TSC1: variants seen among roughly 807,000 people sequenced by gnomAD.
TSC1 encodes TSC complex subunit 1, also known as hamartin.
TSC1 carries 20 observed loss-of-function variants against 124.3 expected under a neutral mutation model. That is an observed-to-expected ratio of 0.16 (90% CI 0.11 to 0.23). The LOEUF (loss-of-function observed/expected upper bound fraction) is 0.23. TSC1 is among the 10% of genes least tolerant of loss of function. The pLI is 1.00. For missense variants in TSC1, 1,124 were observed against 1,448.5 expected (o/e 0.78, Z 3.64); for synonymous variants, 493 against 539.1 (o/e 0.91, Z 1.19).
intron 2 of TSC1, among the ~76,000 whole-genome samples, chr9:132,930,367 T>C (rs1481931740): frequency 6.6e-6 from 1 of 152,056 alleles, no homozygotes; most frequent in Non-Finnish European, 1.5e-5. Flanking sequence ...GGCAGGCAGA[T>C]CACCTAAGGT....
Position 132,921,530 on chromosome 9 carries a change from A to G in TSC1, c.664-94T>C. 7.1e-7 allele frequency: 1 copy of G among 1,414,530 alleles called. No individual in the cohort carries two copies. Among genetic ancestry groups the G allele is most frequent in the Non-Finnish European group, 1.0e-6 (1 of 1,004,144 alleles). 87.6% of individuals were successfully genotyped at this position (1,414,530 alleles called of 1,614,324 possible). A position where few individuals can be genotyped will look rare whatever the true frequency, so the allele number is the denominator to read the frequency against. On this transcript the variant is annotated intron_variant, in intron 7 of 22. Transcript: ENST00000298552. The surrounding 1 kb of genome is among the most constrained non-coding windows in gnomAD (Gnocchi z 4.3). Reference sequence around the variant, plus strand: ...AGTTGACAATTAAAAGGAATGAAGTACTGATACATGTTATAACACAGATGG... The same window carrying G: ...AGTTGACAATTAAAAGGAATGAAGTGCTGATACATGTTATAACACAGATGG...
chr9:132,902,804 A>G lies in TSC1; in HGVS notation c.2209-17T>C. On this transcript the variant is annotated splice_polypyrimidine_tract_variant and intron_variant, in intron 17 of 22. Coordinates refer to ENST00000298552, the MANE Select transcript of TSC1 (RefSeq NM_000368.5). The surrounding 1 kb of genome is among the most constrained non-coding windows in gnomAD (Gnocchi z 5.2). ...CTGATCTTTCTAGCAGAGACCAGAA[A>G]TGTCATCATTTTAGCTGTCTTCCAA... 1 of 1,612,852 alleles carries G rather than the reference A, an allele frequency of 6.2e-7. No homozygotes were observed. Among genetic ancestry groups the G allele is most frequent in the South Asian group, 1.1e-5 (1 of 91,016 alleles).
chr9:132,944,455 C>T (rs1414332287), intron 1 of TSC1, 88 bp downstream of exon 1: 1 of 397,550 alleles, frequency 2.5e-6, no homozygotes, highest in Non-Finnish European at 4.4e-6. Context: ...TGCTCCAGCC[C>T]CTCCGAGCCT....
chr9:132,915,629 A>T (rs938046421), intron 8 of TSC1, among the ~76,000 whole-genome samples: 3 of 152,240 alleles, frequency 2.0e-5, no homozygotes, highest in African/African-American at 7.2e-5. Context: ...TAGTAACTCC[A>T]TCAGAGATTT....
chr9:132,935,423 T>C (rs967403784), intron 1 of TSC1, among the ~76,000 whole-genome samples: 3 of 152,256 alleles, frequency 2.0e-5, no homozygotes, highest in Non-Finnish European at 4.4e-5. Flanking sequence ...TGCAACTTAT[T>C]AGCTGTGTAA....
rs1210974134 is a variant in TSC1, at chr9:132,932,733, C to T, written c.-81+2300G>A. ...ACACAGGAATACTGGTTCTTTCTTG[C>T]TCAAGGCCTTTGCACTTGCTGTTCC... is the stretch of plus-strand genomic sequence containing the variant. On this transcript the variant is annotated intron_variant, in intron 2 of 22. Coordinates refer to ENST00000298552, the MANE Select transcript of TSC1 (RefSeq NM_000368.5). Among the ~76,000 whole-genome samples, 4 of 152,190 alleles carry T rather than the reference C, an allele frequency of 2.6e-5. No individual in the cohort carries two copies. The East Asian group carries it at 5.8e-4, about 22-fold the overall frequency.
rs993009691 is a variant in TSC1, at chr9:132,894,179, G to A, written c.*2056C>T. 1.5e-4 allele frequency: 34 copies of A among 233,272 alleles called. No individual in the cohort carries two copies. The highest frequency in any genetic ancestry group is 2.5e-5 in the Non-Finnish European group (3 of 117,930). The allele number at this position is 233,272 out of a possible 1,614,324, so 14.5% of individuals were successfully genotyped here. A position where few individuals can be genotyped will look rare whatever the true frequency, so the allele number is the denominator to read the frequency against. ...TCTAGCACAGGCCTCTCTCCATGCTGCCTCCTTTCTTCCCTTTATTTTTAT... is the reference window on the plus strand; with the variant it reads ...TCTAGCACAGGCCTCTCTCCATGCTACCTCCTTTCTTCCCTTTATTTTTAT... On this transcript the variant is annotated 3_prime_UTR_variant, in exon 23 of 23. Coordinates refer to ENST00000298552, the MANE Select transcript of TSC1 (RefSeq NM_000368.5).
In TSC1 at chr9:132,905,586, C is replaced by G. The variant is rs775799075; in HGVS notation, c.1992G>C (p.Leu664=). 6.2e-7 allele frequency: 1 copy of G among 1,614,032 alleles called. No individual in the cohort carries two copies. Among genetic ancestry groups the G allele is most frequent in the Non-Finnish European group, 8.5e-7 (1 of 1,180,038 alleles). Residue 664 remains leucine (L), a synonymous_variant, in exon 15 of 23, where the codon CTG becomes CTC. Transcript: ENST00000298552. ...AGAGTGCCCCAGTCCCTTACTTGTT[C>G]AGCTCCTTGCTGTGCGCGTCTGCTC... is the stretch of plus-strand genomic sequence containing the variant. The part of the protein sequence containing the change: ...QQGADAHSKE[L]NKLPLPSKSV...
rs917117694 is a variant in TSC1, at chr9:132,894,263, T to G, written c.*1972A>C. 5.6e-5 allele frequency: 13 copies of G among 231,512 alleles called. No homozygotes were observed. The highest frequency in any genetic ancestry group is 9.4e-5 in the Non-Finnish European group (11 of 116,934). The allele number at this position is 231,512 out of a possible 1,614,324, so 14.3% of individuals were successfully genotyped here. A position where few individuals can be genotyped will look rare whatever the true frequency, so the allele number is the denominator to read the frequency against. On this transcript the variant is annotated 3_prime_UTR_variant, in exon 23 of 23. Transcript: ENST00000298552. The stretch of plus-strand genomic sequence containing the variant: ...CACTTGGGCCTCTTTTCCTTTCCAA[T>G]TCAGGAAAAGGCTTTAAGTGCCTGG...
chr9:132,908,042 G>A (rs979758138), intron 12 of TSC1, among the ~76,000 whole-genome samples: 4 of 152,174 alleles, frequency 2.6e-5, no homozygotes, highest in African/African-American at 2.4e-5. Flanking sequence ...AGCTGCAATT[G>A]TGCCACTGCA....
Position 132,921,466 on chromosome 9 carries a change from G to C in TSC1, c.664-30C>G, listed in dbSNP as rs747627776. On this transcript the variant is annotated intron_variant, in intron 7 of 22. Transcript: ENST00000298552. The surrounding 1 kb of genome is among the most constrained non-coding windows in gnomAD (Gnocchi z 4.3). Reference sequence around the variant, plus strand: ...AAGAGTTGGGTTGACAAATTATAAAGGGCTGAATGTTTGTGGAACATCCAA... The same window carrying C: ...AAGAGTTGGGTTGACAAATTATAAACGGCTGAATGTTTGTGGAACATCCAA... The C allele has an allele frequency of 1.1e-5, 17 of 1,611,522 alleles. No homozygotes were observed. The South Asian group carries it at 1.8e-4, about 17-fold the overall frequency.
At chr9:132,931,909 CAT>C (rs1289134476) in intron 2 of TSC1, among the ~76,000 whole-genome samples, 6 of 152,144 alleles carry the variant, frequency 3.9e-5, no homozygotes, top group African/African-American at 1.2e-4. Context: ...GAAATATACA[CAT>C]GTTAAACACA....
rs375275925 is a variant in TSC1, at chr9:132,898,453, C to G, written c.2626-843G>C. Among the ~76,000 whole-genome samples, 67 of 152,290 alleles carry G rather than the reference C, an allele frequency of 4.4e-4. No individual in the cohort carries two copies. The East Asian group carries it at 6.4e-3, about 14-fold the overall frequency. On this transcript the variant is annotated intron_variant, in intron 20 of 22. Coordinates refer to ENST00000298552, the MANE Select transcript of TSC1 (RefSeq NM_000368.5). ...TTTAAAAAAGATAATAAACCATAAA[C>G]AGCAAGGAGATGAGCTTTCACGAAG...
At chr9:132,943,897 G>T (rs1306202084) in intron 1 of TSC1, 1 of 152,160 alleles carries the variant, frequency 6.6e-6, no homozygotes, top group Non-Finnish European at 1.5e-5. Context: ...TCAAATGAAT[G>T]AATGAACGCC....
At position 132,905,854 on chromosome 9, in the gene TSC1, G is replaced by C. The variant is rs118203566; in HGVS notation, c.1724C>G (p.Ser575Cys). ...GGGAGTGAAGATACTGGTCTCCAAAGAAGTCTGGCATTCCCTGTCTCCCGC... is the reference window on the plus strand; with the variant it reads ...GGGAGTGAAGATACTGGTCTCCAAACAAGTCTGGCATTCCCTGTCTCCCGC... Reference protein sequence around the residue: ...SPAGDRECQTSLETSIFTPSP... With the variant: ...SPAGDRECQTCLETSIFTPSP... The change falls in exon 15 of 23, where the codon TCT (serine) becomes TGT (cysteine). Residue 575 changes from serine to cysteine, a missense_variant. By Grantham distance (112) the Ser-to-Cys change is moderately radical. Around this residue, in one of 5 missense-constraint regions of TSC1, gnomAD observed 321 missense variants for 397.4 expected, o/e 0.81. Coordinates refer to ENST00000298552, the MANE Select transcript of TSC1 (RefSeq NM_000368.5). 1 of 1,613,264 alleles carries C rather than the reference G, an allele frequency of 6.2e-7. No individual in the cohort carries two copies. Among genetic ancestry groups the C allele is most frequent in the Non-Finnish European group, 8.5e-7 (1 of 1,179,248 alleles).
chr9:132,911,624 TTA>T (rs1491452063), intron 9 of TSC1, 56 bp from the exon 10 acceptor site: 2 of 301,830 alleles, frequency 6.6e-6, no homozygotes, highest in Admixed American at 7.6e-5. Flanking sequence ...GTTATTCTGG[TTA>T]AAAAAAAAAA....
rs1554813639 is a variant in TSC1, at chr9:132,897,612, T to TG, written c.2626-3dup. 5 of 914,572 alleles carry TG rather than the reference T, an allele frequency of 5.5e-6. No individual in the cohort carries two copies. The South Asian group carries it at 9.4e-5, about 17-fold the overall frequency. The allele number at this position is 914,572 out of a possible 1,614,324, so 56.7% of individuals were successfully genotyped here. A position where few individuals can be genotyped will look rare whatever the true frequency, so the allele number is the denominator to read the frequency against. Reference sequence around the variant, plus strand: ...GGCGGCTTTCATCATTTCTACTTCCTGAAAAAAAAAAAAAAAAAAGACTGG... The same window carrying TG: ...GGCGGCTTTCATCATTTCTACTTCCTGGAAAAAAAAAAAAAAAAAAGACTGG... On this transcript the variant is annotated splice_region_variant and splice_polypyrimidine_tract_variant and intron_variant, in intron 20 of 22. Transcript: ENST00000298552.
At chr9:132,930,578 ACT>A (rs1461824762) in intron 2 of TSC1, among the ~76,000 whole-genome samples, 4 of 109,980 alleles carry the variant, frequency 3.6e-5, no homozygotes, top group African/African-American at 1.1e-4. Flanking sequence ...ACAAAGCAAG[ACT>A]CTGCCTCAAA....
intron 1 of TSC1, among the ~76,000 whole-genome samples, chr9:132,940,370 AT>A (rs1847671750): frequency 6.6e-6 from 1 of 152,160 alleles, no homozygotes; most frequent in Admixed American, 6.5e-5. Context: ...CCATGTCTGT[AT>A]GAATTTTTTT....
Sources: gnomAD v4.1 joint callset for allele counts (sites outside exome capture counted in the v4.1 genomes callset) on GRCh38, gnomAD v4.1.1 for gene constraint, gnomAD v4.1.1 regional missense constraint, Gnocchi (gnomAD v3.1) non-coding constraint, MANE v1.5 for transcripts, NCBI Gene and HGNC (gene_info 2026-07-23, HGNC 2026-07-21) for gene names.